The following BCAS3 variants were observed in gnomAD, a reference collection of about 807,000 sequenced individuals.
The protein encoded by BCAS3 is BCAS4/BCAS3 fusion.
Under a neutral mutation model 116.1 loss-of-function variants are expected in BCAS3, and 53 were observed. The ratio of observed to expected loss-of-function variants is 0.46; its 90% CI spans 0.37 to 0.57. The LOEUF is 0.57. Ranked by LOEUF, BCAS3 falls within the 20% of genes least tolerant of loss-of-function variation. BCAS3 has a pLI of 0.00. For missense variants in BCAS3, 917 were observed against 1,165.4 expected (o/e 0.79, Z 3.10); for synonymous variants, 391 against 408.2 (o/e 0.96, Z 0.51).
intron 3 of BCAS3, among the ~76,000 whole-genome samples, chr17:60,685,953 T>C (rs1478269120): frequency 6.6e-6 from 1 of 151,822 alleles, no homozygotes; most frequent in Non-Finnish European, 1.5e-5. Context: ...CACTGCAAGC[T>C]CTGCCTCCCG....
At chr17:60,693,373 T>A (rs927244433) in intron 4 of BCAS3, among the ~76,000 whole-genome samples, 2 of 151,918 alleles carry the variant, frequency 1.3e-5, no homozygotes, top group Admixed American at 1.3e-4. Context: ...AGTGAAATTC[T>A]TACTATCCCC....
intron 4 of BCAS3, among the ~76,000 whole-genome samples, chr17:60,708,470 C>T (rs774970634): frequency 6.6e-6 from 1 of 152,054 alleles, no homozygotes; most frequent in Non-Finnish European, 1.5e-5. Flanking sequence ...AGGCTCCTTC[C>T]ACTTCAGTCT....
chr17:60,687,632 C>A (rs975404325), intron 3 of BCAS3, among the ~76,000 whole-genome samples: 4 of 151,810 alleles, frequency 2.6e-5, no homozygotes, highest in Admixed American at 6.6e-5. Flanking sequence ...AACCCAAAAA[C>A]AACTTTTTTT....
intron 9 of BCAS3, among the ~76,000 whole-genome samples, chr17:60,880,228 A>C (rs572107049): frequency 1.3e-5 from 2 of 152,098 alleles, no homozygotes; most frequent in East Asian, 3.9e-4. Flanking sequence ...ATGGTATTTA[A>C]TGTTTTATAT....
At chr17:61,045,546 G>A (rs2067973360) in intron 19 of BCAS3, among the ~76,000 whole-genome samples, 1 of 150,518 alleles carries the variant, frequency 6.6e-6, no homozygotes, top group South Asian at 2.1e-4. Flanking sequence ...TAGGCGCAGT[G>A]GCTCATGCCT....
At position 61,068,470 on chromosome 17, in the gene BCAS3, A is replaced by G. The variant is rs111262938; in HGVS notation, c.2030-6450A>G. ...TCTGCAGCATCCATTCTTGTTTCTC[A>G]TCCAGCTCCTGTCAGTTGTCTGGAC... On this transcript the variant is annotated intron_variant, in intron 19 of 23. Transcript: ENST00000407086. The surrounding 1 kb of genome is among the most constrained non-coding windows in gnomAD (Gnocchi z 4.3). Among the ~76,000 whole-genome samples the G allele has an allele frequency of 0.041, 6,278 of 152,210 alleles. 458 individuals are homozygous for G. Among genetic ancestry groups the G allele is most frequent in the African/African-American group, 0.14 (5,904 of 41,504 alleles).
Position 61,339,953 on chromosome 17 carries a change from T to C in BCAS3, c.2426-28374T>C, listed in dbSNP as rs2057020198. Among the ~76,000 whole-genome samples, 1 of 151,988 alleles carries C rather than the reference T, an allele frequency of 6.6e-6. No homozygotes were observed. Among genetic ancestry groups the C allele is most frequent in the Non-Finnish European group, 1.5e-5 (1 of 67,986 alleles). ...ATGAGGCCAGATGATAACTGAGAAA[T>C]GGCTGTGGGATTCAATAATGTGGAA... On this transcript the variant is annotated intron_variant, in intron 22 of 23. Coordinates refer to ENST00000407086, the MANE Select transcript of BCAS3 (RefSeq NM_017679.5). This position sits in a 1 kb window ranked among gnomAD's most constrained non-coding sequence, Gnocchi z 4.4.
chr17:60,972,180 A>T lies in BCAS3; in HGVS notation c.1222-17791A>T, dbSNP rs371631434. Among the ~76,000 whole-genome samples, 7 of 152,332 alleles carry T rather than the reference A, an allele frequency of 4.6e-5. No homozygotes were observed. The East Asian group carries it at 1.4e-3, about 29-fold the overall frequency. ...CACAAGCATTTAAGTACAGTCATGT[A>T]AGCCATTAATACCAGTTATATATTC... On this transcript the variant is annotated intron_variant, in intron 14 of 23. Coordinates refer to ENST00000407086, the MANE Select transcript of BCAS3 (RefSeq NM_017679.5).
intron 22 of BCAS3, among the ~76,000 whole-genome samples, chr17:61,099,163 G>T (rs1163657880): frequency 6.6e-6 from 1 of 151,906 alleles, no homozygotes; most frequent in Non-Finnish European, 1.5e-5. Context: ...ATTATTATTG[G>T]ATTACCTTAT....
chr17:60,841,449 G>A (rs1318584992), intron 7 of BCAS3, among the ~76,000 whole-genome samples: 2 of 148,224 alleles, frequency 1.3e-5, no homozygotes, highest in African/African-American at 5.0e-5. Context: ...GCACAATCTC[G>A]GCTTACTGCA....
At chr17:61,080,312 T>C (rs939229647) in intron 21 of BCAS3, among the ~76,000 whole-genome samples, 8 of 152,320 alleles carry the variant, frequency 5.3e-5, no homozygotes, top group Admixed American at 2.6e-4. Context: ...CACCAACTTA[T>C]GTCATTTCTA....
chr17:61,288,704 T>C (rs2052075923), intron 22 of BCAS3, among the ~76,000 whole-genome samples: 1 of 152,196 alleles, frequency 6.6e-6, no homozygotes, highest in South Asian at 2.1e-4. Context: ...CTGGAAATTT[T>C]CTTGACAGTT....
chr17:60,706,018 C>A (rs1248812744), intron 4 of BCAS3, among the ~76,000 whole-genome samples: 1 of 152,140 alleles, frequency 6.6e-6, no homozygotes, highest in Non-Finnish European at 1.5e-5. Flanking sequence ...CCGACCCCTC[C>A]TGTTCTTCCT....
chr17:60,936,156 G>C (rs1038625852), intron 13 of BCAS3, among the ~76,000 whole-genome samples: 13 of 151,500 alleles, frequency 8.6e-5, no homozygotes, highest in African/African-American at 3.2e-4. Flanking sequence ...ATGGTTTCCA[G>C]CTTCATCCAT....
At chr17:61,058,637 T>C (rs77577769) in intron 19 of BCAS3, among the ~76,000 whole-genome samples, 2,894 of 152,324 alleles carry the variant, frequency 0.019, 94 homozygotes, top group African/African-American at 0.065. Flanking sequence ...ATTGTTTCTC[T>C]CACTGCATGT....
At chr17:61,035,367 G>A (rs1312594279) in intron 17 of BCAS3, among the ~76,000 whole-genome samples, 4 of 152,042 alleles carry the variant, frequency 2.6e-5, no homozygotes, top group African/African-American at 4.8e-5. Flanking sequence ...GGGCGATCAC[G>A]AGGTCGGGAG....
chr17:60,718,075 C>G (rs1378201363), intron 5 of BCAS3, among the ~76,000 whole-genome samples: 1 of 152,156 alleles, frequency 6.6e-6, no homozygotes, highest in Non-Finnish European at 1.5e-5. Context: ...GCTGACCTGA[C>G]AAGAGGCAGA....
chr17:61,306,407 T>C (rs1197366423), intron 22 of BCAS3, among the ~76,000 whole-genome samples: 14 of 152,194 alleles, frequency 9.2e-5, no homozygotes, highest in Admixed American at 9.2e-4. Context: ...TGTTTTGTTT[T>C]TAAATGAAAA....
At chr17:60,919,953 A>G (rs947705079) in intron 12 of BCAS3, among the ~76,000 whole-genome samples, 5 of 152,210 alleles carry the variant, frequency 3.3e-5, no homozygotes, top group African/African-American at 1.2e-4. Flanking sequence ...AGGAACAACA[A>G]ACACCTAAGA....
Sources: allele counts gnomAD v4.1 joint callset (sites outside exome capture counted in the v4.1 genomes callset), GRCh38; gene constraint gnomAD v4.1.1; non-coding constraint Gnocchi (gnomAD v3.1); transcripts MANE v1.5; gene names NCBI Gene and HGNC (gene_info 2026-07-23, HGNC 2026-07-21).